The following CBX8 variants were observed in gnomAD, a reference collection of about 807,000 sequenced individuals.
CBX8 encodes chromobox protein homolog 8.
A neutral mutation model predicts 39.7 loss-of-function variants in CBX8; 8 were observed. The observed-to-expected ratio is 0.20, with a 90% confidence interval of 0.12 to 0.36. The LOEUF (loss-of-function observed/expected upper bound fraction) is 0.36. Ranked by LOEUF, CBX8 falls within the 10% of genes least tolerant of loss-of-function variation. The pLI, the probability that CBX8 is intolerant of heterozygous loss-of-function variation, is 1.00. For missense variants in CBX8, 505 were observed against 529.6 expected (o/e 0.95, Z 0.46); for synonymous variants, 268 against 219.8 (o/e 1.22, Z -1.94).
chr17:79,794,503 C>CT lies in CBX8; in HGVS notation c.*131dup, dbSNP rs1907992405. The stretch of plus-strand genomic sequence containing the variant: ...GGGGAGGAAGGAGGGATGAAAGGGG[C>CT]TGGTGGGGTGGGGGTGACATCAGGG... On this transcript the variant is annotated 3_prime_UTR_variant, in exon 5 of 5. Coordinates refer to ENST00000269385, the MANE Select transcript of CBX8 (RefSeq NM_020649.3). 1.7e-6 allele frequency: 1 copy of CT among 590,814 alleles called. No homozygotes were observed. Among genetic ancestry groups the CT allele is most frequent in the Non-Finnish European group, 2.9e-6 (1 of 339,528 alleles). The allele number at this position is 590,814 out of a possible 1,614,324, so 36.6% of individuals were successfully genotyped here. A position where few individuals can be genotyped will look rare whatever the true frequency, so the allele number is the denominator to read the frequency against.
chr17:79,795,186 G>T lies in CBX8; in HGVS notation c.619C>A (p.Leu207Ile), dbSNP rs772859757. The change falls in exon 5 of 5, where the codon CTC becomes ATC. Residue 207 changes from leucine to isoleucine, a missense_variant. By Grantham distance (5) the Leu-to-Ile change is conservative (BLOSUM62 2). Transcript: ENST00000269385. This position sits in a 1 kb window ranked among gnomAD's most constrained non-coding sequence, Gnocchi z 5.8. ...AAGGGCCTCTGTGAGGGGTCCGGGA[G>T]CTCCTTCCGGGGCTTGGGGCCTCGC... Reference protein sequence around the residue: ...KKRGPKPRKELPDPSQRPLGE... With the variant: ...KKRGPKPRKEIPDPSQRPLGE... 6.2e-7 allele frequency: 1 copy of T among 1,613,360 alleles called. No individual in the cohort carries two copies. Among genetic ancestry groups the T allele is most frequent in the African/African-American group, 1.3e-5 (1 of 74,956 alleles).
chr17:79,795,447 C>T lies in CBX8; in HGVS notation c.358G>A (p.Ala120Thr), dbSNP rs781480316. Residue 120 changes from alanine to threonine, a missense_variant, in exon 5 of 5, where the codon GCC becomes ACC. Ala to Thr is a moderately conservative substitution (Grantham distance 58, BLOSUM62 0). Coordinates refer to ENST00000269385, the MANE Select transcript of CBX8 (RefSeq NM_020649.3). The surrounding 1 kb of genome is among the most constrained non-coding windows in gnomAD (Gnocchi z 5.8). ...CCCATGTTTCGAAGGCCCTCCCGGGCCCGGGAAGTGGAGGCCAGGTCCTGG... is the reference window on the plus strand; with the variant it reads ...CCCATGTTTCGAAGGCCCTCCCGGGTCCGGGAAGTGGAGGCCAGGTCCTGG... ...SPQDLASTSR[A>T]REGLRNMGLS... 4 of 1,606,564 alleles carry T rather than the reference C, an allele frequency of 2.5e-6. No individual in the cohort carries two copies. Among genetic ancestry groups the T allele is most frequent in the South Asian group, 1.1e-5 (1 of 89,722 alleles).
In CBX8 at chr17:79,794,484, G is replaced by A. The variant is rs564095412; in HGVS notation, c.*151C>T. The stretch of plus-strand genomic sequence containing the variant: ...CTTTCCAACAAAAACTGAGGGGGAG[G>A]AAGGAGGGATGAAAGGGGCTGGTGG... On this transcript the variant is annotated 3_prime_UTR_variant, in exon 5 of 5. Coordinates refer to ENST00000269385, the MANE Select transcript of CBX8 (RefSeq NM_020649.3). 5 of 525,170 alleles carry A rather than the reference G, an allele frequency of 9.5e-6. No individual in the cohort carries two copies. Among genetic ancestry groups the A allele is most frequent in the East Asian group, 5.8e-5 (2 of 34,374 alleles). The allele number at this position is 525,170 out of a possible 1,614,324, so 32.5% of individuals were successfully genotyped here. A position where few individuals can be genotyped will look rare whatever the true frequency, so the allele number is the denominator to read the frequency against.
chr17:79,795,436 G>C lies in CBX8; in HGVS notation c.369C>G (p.Gly123=), dbSNP rs750094016. The C allele has an allele frequency of 6.2e-7, 1 of 1,605,286 alleles. No individual in the cohort carries two copies. The highest frequency in any genetic ancestry group is 1.1e-5 in the South Asian group (1 of 89,570). The change falls in exon 5 of 5, where the codon GGC becomes GGG. Residue 123 remains glycine (G), a synonymous_variant. Transcript: ENST00000269385. This position sits in a 1 kb window ranked among gnomAD's most constrained non-coding sequence, Gnocchi z 5.8. ...GCGGGGACAAACCCATGTTTCGAAGGCCCTCCCGGGCCCGGGAAGTGGAGG... is the reference window on the plus strand; with the variant it reads ...GCGGGGACAAACCCATGTTTCGAAGCCCCTCCCGGGCCCGGGAAGTGGAGG... ...DLASTSRARE[G]LRNMGLSPPA...
At position 79,795,330 on chromosome 17, in the gene CBX8, C is replaced by T. The variant is rs1908038416; in HGVS notation, c.475G>A (p.Glu159Lys). ...DRDRDRDRDRERDRERERERE... is the reference protein window; with the variant it reads ...DRDRDRDRDRKRDRERERERE... ...TCCCTCTCCCTTTCTCGATCCCGCTCCCGGTCCCTATCCCGGTCTCGGTCC... is the reference window on the plus strand; with the variant it reads ...TCCCTCTCCCTTTCTCGATCCCGCTTCCGGTCCCTATCCCGGTCTCGGTCC... The change falls in exon 5 of 5, where the codon GAG becomes AAG. Residue 159 changes from glutamate (E) to lysine (K), a missense_variant. Glu to Lys is a moderately conservative substitution (Grantham distance 56). Coordinates refer to ENST00000269385, the MANE Select transcript of CBX8 (RefSeq NM_020649.3). This position sits in a 1 kb window ranked among gnomAD's most constrained non-coding sequence, Gnocchi z 5.8. The T allele has an allele frequency of 6.3e-7, 1 of 1,583,280 alleles. No individual in the cohort carries two copies. The highest frequency in any genetic ancestry group is 8.6e-7 in the Non-Finnish European group (1 of 1,163,430).
intron 1 of CBX8, 33 bp from the exon 2 acceptor site, chr17:79,796,573 G>T: frequency 6.2e-7 from 1 of 1,611,964 alleles, no homozygotes; most frequent in South Asian, 1.1e-5. Context: ...GTGTGTGCAT[G>T]GGGAGAAACG....
intron 1 of CBX8, 55 bp downstream of exon 1, chr17:79,796,875 G>C: frequency 6.6e-7 from 1 of 1,505,166 alleles, no homozygotes; most frequent in Non-Finnish European, 9.0e-7. Flanking sequence ...GAGGGAACCC[G>C]GGCCGGGAGG....
Position 79,794,815 on chromosome 17 carries a change from C to T in CBX8, c.990G>A (p.Arg330=), listed in dbSNP as rs907615634. Residue 330 remains arginine (R), a synonymous_variant, in exon 5 of 5, where the codon AGG becomes AGA. Coordinates refer to ENST00000269385, the MANE Select transcript of CBX8 (RefSeq NM_020649.3). ...CAGGGATCCTGGCGATGAGGGAGGG[C>T]CTTCCCCCCTGGGCCCCCATGTCCC... The part of the protein sequence containing the change: ...LYRDMGAQGG[R]PSLIARIPVA... 6.2e-7 allele frequency: 1 copy of T among 1,611,064 alleles called. No homozygotes were observed.
chr17:79,797,020 T>C lies in CBX8; in HGVS notation c.-22A>G. Reference sequence around the variant, plus strand: ...CCATGTTGACTCGCCGCTTCCCCCCTTGGCCGCTTCCAGGAGCAGAAAAGC... The same window carrying C: ...CCATGTTGACTCGCCGCTTCCCCCCCTGGCCGCTTCCAGGAGCAGAAAAGC... On this transcript the variant is annotated 5_prime_UTR_variant, in exon 1 of 5. Transcript: ENST00000269385. 6.2e-7 allele frequency: 1 copy of C among 1,602,748 alleles called. No homozygotes were observed.
chr17:79,796,159 TAAAGAAAGC>T, intron 3 of CBX8, 36 bp from the exon 4 acceptor site: 1 of 1,612,736 alleles, frequency 6.2e-7, no homozygotes, highest in Non-Finnish European at 8.5e-7. Context: ...GGTGCGTGAG[TAAAGAAAGC>T]AAGTGGGACT....
rs1907919867 is a variant in CBX8, at chr17:79,792,658, CT to C, written c.*1976del. 6.6e-6 allele frequency: 1 copy of C among 152,242 alleles called. No individual in the cohort carries two copies. Among genetic ancestry groups the C allele is most frequent in the African/African-American group, 2.4e-5 (1 of 41,460 alleles). 9.4% of individuals were successfully genotyped at this position (152,242 alleles called of 1,614,324 possible). Reference sequence around the variant, plus strand: ...TAGATACACTCGGTCAACGGCGCTTCTTTATACAAAGTCTAAAATACCAGTT... The same window carrying C: ...TAGATACACTCGGTCAACGGCGCTTCTTATACAAAGTCTAAAATACCAGTT... On this transcript the variant is annotated 3_prime_UTR_variant, in exon 5 of 5. Coordinates refer to ENST00000269385, the MANE Select transcript of CBX8 (RefSeq NM_020649.3).
In CBX8 at chr17:79,793,268, T is replaced by C. The variant is rs1378098003; in HGVS notation, c.*1367A>G. The C allele has an allele frequency of 1.3e-5, 2 of 151,976 alleles. No homozygotes were observed. The highest frequency in any genetic ancestry group is 2.9e-5 in the Non-Finnish European group (2 of 67,990). The allele number at this position is 151,976 out of a possible 1,614,324, so 9.4% of individuals were successfully genotyped here. A position where few individuals can be genotyped will look rare whatever the true frequency, so the allele number is the denominator to read the frequency against. On this transcript the variant is annotated 3_prime_UTR_variant, in exon 5 of 5. Coordinates refer to ENST00000269385, the MANE Select transcript of CBX8 (RefSeq NM_020649.3). Reference sequence around the variant, plus strand: ...GCGGAGTTTGAATGTCGAGTTCAAATAGAGAACACTGCGAATCGAAAAGAC... The same window carrying C: ...GCGGAGTTTGAATGTCGAGTTCAAACAGAGAACACTGCGAATCGAAAAGAC...
rs1908053130 is a variant in CBX8 at position 79,795,542 on chromosome 17, T to C, written c.263A>G (p.Lys88Arg). ...TFLLKAQAKA[K>R]AKTYEFRSDS... is the part of the protein sequence containing the mutation. ...ACTTCGAAACTCGTAAGTTTTGGCCTTTGCCTTGGCCTGCGCCTGCAGGAG... is the reference window on the plus strand; with the variant it reads ...ACTTCGAAACTCGTAAGTTTTGGCCCTTGCCTTGGCCTGCGCCTGCAGGAG... Residue 88 changes from lysine to arginine, a missense_variant, in exon 5 of 5, where the codon AAG becomes AGG. Coordinates refer to ENST00000269385, the MANE Select transcript of CBX8 (RefSeq NM_020649.3). This position sits in a 1 kb window ranked among gnomAD's most constrained non-coding sequence, Gnocchi z 5.8. 6.5e-7 allele frequency: 1 copy of C among 1,526,724 alleles called. No homozygotes were observed. Among genetic ancestry groups the C allele is most frequent in the Non-Finnish European group, 8.8e-7 (1 of 1,138,930 alleles). The allele number at this position is 1,526,724 out of a possible 1,614,324, so 94.6% of individuals were successfully genotyped here.
In CBX8 at chr17:79,794,391, T is replaced by C. The variant is rs1174372667; in HGVS notation, c.*244A>G. ...AATAAAACAACTTCGAGTTGAAATA[T>C]ATATATTTAGATATTTTTCTTAAAT... On this transcript the variant is annotated 3_prime_UTR_variant, in exon 5 of 5. Coordinates refer to ENST00000269385, the MANE Select transcript of CBX8 (RefSeq NM_020649.3). 8.0e-6 allele frequency: 2 copies of C among 251,300 alleles called. No homozygotes were observed. The highest frequency in any genetic ancestry group is 2.2e-5 in the African/African-American group (1 of 44,960). 15.6% of individuals were successfully genotyped at this position (251,300 alleles called of 1,614,324 possible).
At chr17:79,796,385 G>T in intron 2 of CBX8, 70 bp from the exon 3 acceptor site, 1 of 1,591,406 alleles carries the variant, frequency 6.3e-7, no homozygotes, top group Non-Finnish European at 8.6e-7. Flanking sequence ...GTGTGTGTGT[G>T]TGTAACTTTT....
In CBX8 at chr17:79,796,065, G is replaced by A; in HGVS notation, c.238C>T (p.Leu80Phe). The change falls in exon 4 of 5, where the codon CTC (leucine) becomes TTC (phenylalanine). Residue 80 changes from leucine to phenylalanine, a missense_variant. Physicochemically the swap from Leu to Phe is conservative, Grantham distance 22. This residue lies in a region of CBX8 where 456 missense variants were observed against 389.2 expected (regional missense o/e 1.17). Coordinates refer to ENST00000269385, the MANE Select transcript of CBX8 (RefSeq NM_020649.3). ...KKRGPKPKTF[L>F]LKAQAKAKAK... ...GGACACTGCCAACCTACTTTGAGGA[G>A]GAAGGTTTTGGGCTTGGGTCCACGC... 1.2e-6 allele frequency: 2 copies of A among 1,614,094 alleles called. No individual in the cohort carries two copies. Among genetic ancestry groups the A allele is most frequent in the Non-Finnish European group, 1.7e-6 (2 of 1,179,952 alleles).
At position 79,795,002 on chromosome 17, in the gene CBX8, G is replaced by A. The variant is rs763843338; in HGVS notation, c.803C>T (p.Ser268Leu). The change falls in exon 5 of 5, where the codon TCA becomes TTA. Residue 268 changes from serine to leucine, a missense_variant. Physicochemically the swap from Ser to Leu is moderately radical, Grantham distance 145 (BLOSUM62 -2). Coordinates refer to ENST00000269385, the MANE Select transcript of CBX8 (RefSeq NM_020649.3). The surrounding 1 kb of genome is among the most constrained non-coding windows in gnomAD (Gnocchi z 5.8). ...LVQCGVTSPS[S>L]AEATGKLAVD... The stretch of plus-strand genomic sequence containing the variant: ...AGCCAGTTTGCCCGTGGCCTCAGCT[G>A]AGCTAGGGCTGGTCACACCACACTG... 2 of 1,606,710 alleles carry A rather than the reference G, an allele frequency of 1.2e-6. No individual in the cohort carries two copies. The highest frequency in any genetic ancestry group is 2.2e-5 in the East Asian group (1 of 44,544).
chr17:79,796,136 G>A lies in CBX8; in HGVS notation c.180-13C>T, dbSNP rs201923015. Reference sequence around the variant, plus strand: ...CATCTCTCTTTCCCTGGAGAAAGAAGAAAAGGAGAAAGGGTGCGTGAGTAA... The same window carrying A: ...CATCTCTCTTTCCCTGGAGAAAGAAAAAAAGGAGAAAGGGTGCGTGAGTAA... On this transcript the variant is annotated splice_polypyrimidine_tract_variant and intron_variant, in intron 3 of 4. Transcript: ENST00000269385. 1.2e-3 allele frequency: 1,968 copies of A among 1,613,410 alleles called. 7 individuals are homozygous for A. Among genetic ancestry groups the A allele is most frequent in the Middle Eastern group, 4.8e-3 (29 of 6,062 alleles).
chr17:79,795,052 G>C lies in CBX8; in HGVS notation c.753C>G (p.Ala251=), dbSNP rs756127118. The change falls in exon 5 of 5, where the codon GCC becomes GCG. Residue 251 remains alanine (A), a synonymous_variant. Coordinates refer to ENST00000269385, the MANE Select transcript of CBX8 (RefSeq NM_020649.3). The surrounding 1 kb of genome is among the most constrained non-coding windows in gnomAD (Gnocchi z 5.8). The part of the protein sequence containing the change: ...FPAGHSVIQL[A]RRQDSDLVQC... Reference sequence around the variant, plus strand: ...GCACCAGGTCCGAGTCCTGTCTTCGGGCCAGCTGGATCACACTGTGGCCGG... The same window carrying C: ...GCACCAGGTCCGAGTCCTGTCTTCGCGCCAGCTGGATCACACTGTGGCCGG... 1.2e-6 allele frequency: 2 copies of C among 1,607,626 alleles called. No individual in the cohort carries two copies. The highest frequency in any genetic ancestry group is 1.7e-6 in the Non-Finnish European group (2 of 1,176,910).
Sources: allele counts gnomAD v4.1 joint callset, GRCh38; gene constraint gnomAD v4.1.1; regional missense constraint gnomAD v4.1.1; non-coding constraint Gnocchi (gnomAD v3.1); transcripts MANE v1.5; gene names NCBI Gene and HGNC (gene_info 2026-07-23, HGNC 2026-07-21).